Variants in TOX2 observed in about 807,000 individuals in gnomAD.
The protein encoded by TOX2 is granulosa cell HMG box 1.
In TOX2, 15 loss-of-function variants were observed where a neutral mutation model predicts 47.4. The ratio of observed to expected loss-of-function variants is 0.32; its 90% CI spans 0.21 to 0.49. TOX2 has a LOEUF of 0.49. Ranked by LOEUF, TOX2 falls within the 20% of genes least tolerant of loss-of-function variation. The probability of loss-of-function intolerance (pLI) is 0.99; values close to 1 mark genes in which losing one functional copy is unlikely to be tolerated. For missense variants in TOX2, 622 were observed against 673.1 expected, an observed-to-expected ratio of 0.92 and a Z score of 0.84; for synonymous variants, 290 against 296.6, an observed-to-expected ratio of 0.98 and a Z score of 0.23.
intron 5 of TOX2, among the ~76,000 whole-genome samples, chr20:44,058,224 C>A (rs895090332): frequency 6.6e-6 from 1 of 152,210 alleles, no homozygotes; most frequent in African/African-American, 2.4e-5. Context: ...GGGGCAAGTT[C>A]TCAGCCCTGT....
At chr20:43,937,232 A>T (rs1356368325) in intron 1 of TOX2, among the ~76,000 whole-genome samples, 1 of 152,088 alleles carries the variant, frequency 6.6e-6, no homozygotes, top group Non-Finnish European at 1.5e-5. Context: ...GGCACACTTG[A>T]CCACTCCAAG....
At chr20:44,051,677 C>A in intron 4 of TOX2, 132 bp downstream of exon 4, 1 of 1,350,788 alleles carries the variant, frequency 7.4e-7, no homozygotes, top group Non-Finnish European at 9.8e-7. Context: ...CCCGTAGGTG[C>A]CATTCCCACT....
rs77931356 is a variant in TOX2 at position 44,046,965 on chromosome 20, G to A, written c.412-4341G>A. Among the ~76,000 whole-genome samples, 1,268 of 152,206 alleles carry A rather than the reference G, an allele frequency of 8.3e-3. 16 individuals carry two copies. The highest frequency in any genetic ancestry group is 0.029 in the African/African-American group (1,208 of 41,504). ...ATCCTAAGCTATAACAAAAATCTCA[G>A]TACTTTCCAAAAAGATAAAATTCTG... On this transcript the variant is annotated intron_variant, in intron 3 of 8. Transcript: ENST00000341197.
At chr20:44,062,562 C>T (rs2071740377) in intron 5 of TOX2, among the ~76,000 whole-genome samples, 2 of 151,982 alleles carry the variant, frequency 1.3e-5, no homozygotes, top group South Asian at 2.1e-4. Context: ...TGAAAATGAC[C>T]ATACTGCCAA....
intron 1 of TOX2, among the ~76,000 whole-genome samples, chr20:43,955,669 G>A (rs1019158913): frequency 6.6e-6 from 1 of 152,162 alleles, no homozygotes; most frequent in Non-Finnish European, 1.5e-5. Flanking sequence ...GACTCTCAAG[G>A]CCGTATTCTG....
intron 1 of TOX2, among the ~76,000 whole-genome samples, chr20:43,963,994 C>T (rs765878910): frequency 7.2e-5 from 11 of 151,852 alleles, no homozygotes; most frequent in Non-Finnish European, 1.5e-4. Flanking sequence ...AGTGCCTTCT[C>T]TAGGTAGGCA....
At chr20:43,925,668 T>C (rs1396104453) in intron 1 of TOX2, among the ~76,000 whole-genome samples, 1 of 152,216 alleles carries the variant, frequency 6.6e-6, no homozygotes, top group African/African-American at 2.4e-5. Flanking sequence ...AGGTGTTGGG[T>C]GCCGGTTCCT....
At chr20:44,042,484 G>A (rs2071348202) in intron 3 of TOX2, among the ~76,000 whole-genome samples, 1 of 152,300 alleles carries the variant, frequency 6.6e-6, no homozygotes, top group South Asian at 2.1e-4. Context: ...AAGTTAAAGG[G>A]CTCAAAATTA....
At chr20:43,944,256 G>T (rs2069437527) in intron 1 of TOX2, among the ~76,000 whole-genome samples, 1 of 152,212 alleles carries the variant, frequency 6.6e-6, no homozygotes, top group African/African-American at 2.4e-5. Flanking sequence ...CCATCAAGAA[G>T]CTCAGAGCCT....
intron 4 of TOX2, 134 bp from the exon 5 acceptor site, chr20:44,054,165 C>T (rs1422726690): frequency 2.3e-6 from 2 of 854,142 alleles, no homozygotes; most frequent in East Asian, 2.7e-5. Context: ...GTCCATTGCC[C>T]CCTCCATCGC....
chr20:43,949,323 G>T (rs571880001), intron 1 of TOX2, among the ~76,000 whole-genome samples: 2 of 152,164 alleles, frequency 1.3e-5, no homozygotes, highest in Admixed American at 6.5e-5. Flanking sequence ...CGGGATGACC[G>T]CAGGAGCCTC....
chr20:44,065,564 C>A, intron 6 of TOX2, 148 bp from the exon 7 acceptor site: 1 of 898,064 alleles, frequency 1.1e-6, no homozygotes, highest in Non-Finnish European at 1.7e-6. Flanking sequence ...ACTAAGGACC[C>A]TGTGCTATCT....
At chr20:43,972,668 C>T (rs2069996177) in intron 1 of TOX2, among the ~76,000 whole-genome samples, 2 of 152,256 alleles carry the variant, frequency 1.3e-5, no homozygotes, top group Admixed American at 1.3e-4. Flanking sequence ...GATCACACTT[C>T]AGGGCAAAGA....
At chr20:44,035,699 C>A (rs2071228270) in intron 3 of TOX2, among the ~76,000 whole-genome samples, 1 of 152,178 alleles carries the variant, frequency 6.6e-6, no homozygotes, top group African/African-American at 2.4e-5. Flanking sequence ...TGGGACCCTG[C>A]TCAATGCCAG....
At chr20:43,999,164 G>C (rs1013634613) in intron 2 of TOX2, among the ~76,000 whole-genome samples, 1 of 152,084 alleles carries the variant, frequency 6.6e-6, no homozygotes, top group Non-Finnish European at 1.5e-5. Flanking sequence ...TTTTAATAAA[G>C]CAATTGAAAT....
chr20:43,921,555 C>T (rs1022616858), intron 1 of TOX2, among the ~76,000 whole-genome samples: 3 of 152,188 alleles, frequency 2.0e-5, no homozygotes, highest in Non-Finnish European at 2.9e-5. Flanking sequence ...CATTTTCATC[C>T]ACAAAGAGCA....
intron 2 of TOX2, among the ~76,000 whole-genome samples, chr20:44,002,595 T>C (rs1174804982): frequency 6.6e-6 from 1 of 152,210 alleles, no homozygotes; most frequent in Non-Finnish European, 1.5e-5. Context: ...TATAAAGGAA[T>C]ACTTGAGACT....
At chr20:43,941,050 G>A (rs8117150) in intron 1 of TOX2, among the ~76,000 whole-genome samples, 1,608 of 152,276 alleles carry the variant, frequency 0.011, 13 homozygotes, top group Middle Eastern at 0.034. Context: ...GAGGTTCTCA[G>A]TACTGTGAAA....
At chr20:43,985,060 C>CT (rs1200938726) in intron 2 of TOX2, among the ~76,000 whole-genome samples, 13 of 152,166 alleles carry the variant, frequency 8.5e-5, no homozygotes, top group African/African-American at 3.1e-4. Context: ...GACGTGGGGA[C>CT]TTTCTCAGAA....
Sources: allele counts gnomAD v4.1 joint callset (sites outside exome capture counted in the v4.1 genomes callset), GRCh38; gene constraint gnomAD v4.1.1; transcripts MANE v1.5; gene names NCBI Gene and HGNC (gene_info 2026-07-23, HGNC 2026-07-21).